PAK3: variants seen among roughly 807,000 people sequenced by gnomAD.
The protein encoded by PAK3 is p21 (RAC1) activated kinase 3.
In PAK3, 4 loss-of-function variants were observed where a neutral mutation model predicts 41.0. The ratio of observed to expected loss-of-function variants is 0.10; its 90% CI spans 0.05 to 0.22. The LOEUF is 0.22. Ranked by LOEUF, PAK3 falls within the 10% of genes least tolerant of loss-of-function variation. The probability of loss-of-function intolerance (pLI) is 1.00; values close to 1 mark genes in which losing one functional copy is unlikely to be tolerated. For synonymous variants in PAK3, 146 were observed against 139.6 expected (o/e 1.05, Z -0.32); for missense variants, 205 against 409.9 (o/e 0.50, Z 4.32).
At chrX:110,945,665 T>C (rs2090603120) in intron 1 of PAK3, among the ~76,000 whole-genome samples, 1 of 112,237 alleles carries the variant, frequency 8.9e-6, no homozygotes, top group East Asian at 2.8e-4. Flanking sequence ...GATGTAGTTC[T>C]ATGTTTGAAC....
intron 8 of PAK3, among the ~76,000 whole-genome samples, chrX:111,158,541 T>C (rs973197530): frequency 9.0e-6 from 1 of 111,712 alleles, no homozygotes; most frequent in Non-Finnish European, 1.9e-5. Context: ...CAAAGATTGC[T>C]ATCCTTGGTG....
chrX:111,194,203 A>G, intron 13 of PAK3, 98 bp from the exon 14 acceptor site: 2 of 592,425 alleles, frequency 3.4e-6, no homozygotes, highest in South Asian at 4.4e-5. Context: ...GCATAGCACA[A>G]CTCAGAGTTG....
chrX:110,951,322 A>G (rs2090740555), intron 1 of PAK3, among the ~76,000 whole-genome samples: 3 of 112,458 alleles, frequency 2.7e-5, no homozygotes, highest in African/African-American at 9.7e-5. Context: ...AGAAATGTTT[A>G]TGATTTTTGT....
rs764375747 is a variant in PAK3, at chrX:111,026,331, AG to A, written c.-28+81706del. On this transcript the variant is annotated intron_variant, in intron 1 of 14. Coordinates refer to the PAK3 transcript ENST00000425146. ...GCAATCAGACAAGAGAAAGAAATAA[AG>A]GGCATCCAAATTGGTAAAGAGGAAG... Among the ~76,000 whole-genome samples, 153 of 111,740 alleles carry A rather than the reference AG, an allele frequency of 1.4e-3. 1 individual carries two copies. Among genetic ancestry groups the A allele is most frequent in the African/African-American group, 4.8e-3 (149 of 30,857 alleles).
chrX:111,131,231 A>G (rs1478350788), intron 5 of PAK3, among the ~76,000 whole-genome samples: 2 of 111,502 alleles, frequency 1.8e-5, no homozygotes, highest in African/African-American at 6.5e-5. Context: ...AAAAAAGAAA[A>G]ATATGGAATA....
chrX:111,152,307 T>G (rs2094039889), intron 7 of PAK3, 103 bp from the exon 8 acceptor site: 1 of 568,741 alleles, frequency 1.8e-6, no homozygotes. Flanking sequence ...CATTTCCTTC[T>G]AGTTGAAATC....
chrX:111,150,544 CGCA>C (rs1211059520), intron 7 of PAK3, among the ~76,000 whole-genome samples: 1 of 111,533 alleles, frequency 9.0e-6, no homozygotes, highest in East Asian at 2.8e-4. Flanking sequence ...TTTCTTACAT[CGCA>C]GCAGCAACAG....
intron 1 of PAK3, among the ~76,000 whole-genome samples, chrX:110,949,725 T>C (rs771611589): frequency 2.7e-5 from 3 of 110,803 alleles, no homozygotes; most frequent in Non-Finnish European, 5.7e-5. Context: ...TTCTTATGGA[T>C]AAAAGAATGG....
rs986631561 is a variant in PAK3 at position 111,096,211 on chromosome X, C to A, written c.-557C>A. On this transcript the variant is annotated 5_prime_UTR_variant, in exon 1 of 18. Coordinates refer to ENST00000372007, the MANE Select transcript of PAK3 (RefSeq NM_002578.5). The stretch of plus-strand genomic sequence containing the variant: ...GCTCTACCGCGGGCGGGCAGCTGTG[C>A]CAGCTAACCGTCTGGGATCTCGCAC... 8.9e-6 allele frequency: 1 copy of A among 112,094 alleles called. No individual in the cohort carries two copies. The highest frequency in any genetic ancestry group is 3.3e-5 in the African/African-American group (1 of 30,717). The allele number at this position is 112,094 out of a possible 1,213,427, so 9.2% of individuals were successfully genotyped here. A position where few individuals can be genotyped will look rare whatever the true frequency, so the allele number is the denominator to read the frequency against.
At chrX:110,959,383 A>G (rs757044159) in intron 1 of PAK3, among the ~76,000 whole-genome samples, 2 of 111,123 alleles carry the variant, frequency 1.8e-5, no homozygotes, top group Admixed American at 9.6e-5. Flanking sequence ...ATCCTCATAC[A>G]TGTTTCTGCT....
chrX:110,995,231 C>A (rs1431140840), intron 1 of PAK3, among the ~76,000 whole-genome samples: 1 of 111,124 alleles, frequency 9.0e-6, no homozygotes, highest in African/African-American at 3.3e-5. Context: ...GCGAATGCCA[C>A]CATCACTTTG....
chrX:111,040,449 C>A (rs1211253288), intron 1 of PAK3, among the ~76,000 whole-genome samples: 5 of 111,659 alleles, frequency 4.5e-5, no homozygotes, highest in Non-Finnish European at 3.8e-5. Flanking sequence ...ATTTTATATA[C>A]TTTTCAATGC....
chrX:111,200,356 C>T, intron 16 of PAK3, among the ~76,000 whole-genome samples: 1 of 111,946 alleles, frequency 8.9e-6, no homozygotes, highest in Middle Eastern at 4.6e-3. Flanking sequence ...TAACTCCTCT[C>T]TGGTACTTGG....
chrX:110,954,631 G>T (rs1185691740), intron 1 of PAK3, among the ~76,000 whole-genome samples: 1 of 111,872 alleles, frequency 8.9e-6, no homozygotes, highest in Non-Finnish European at 1.9e-5. Context: ...CAACAATAAA[G>T]ACCAGGAAAG....
chrX:111,206,941 C>T (rs2094755114), intron 16 of PAK3, among the ~76,000 whole-genome samples: 2 of 110,628 alleles, frequency 1.8e-5, no homozygotes, highest in African/African-American at 3.3e-5. Flanking sequence ...TGTTAAGTCA[C>T]TTGTTGGCAA....
At position 111,109,751 on chromosome X, in the gene PAK3, G is replaced by T. The variant is rs780609277; in HGVS notation, c.-28+6445G>T. On this transcript the variant is annotated intron_variant, in intron 4 of 17. Transcript: ENST00000372007. ...CTGATTGTTGAAATGTCTGTTTTGT[G>T]GGTGGAAGATCTGCTCATTTTCAGG... Among the ~76,000 whole-genome samples the T allele has an allele frequency of 3.9e-4, 44 of 112,059 alleles. 1 individual carries two copies. Among genetic ancestry groups the T allele is most frequent in the Admixed American group, 3.5e-3 (37 of 10,531 alleles).
chrX:111,115,377 C>T (rs1334985100), intron 4 of PAK3, among the ~76,000 whole-genome samples: 1 of 111,480 alleles, frequency 9.0e-6, no homozygotes, highest in African/African-American at 3.3e-5. Flanking sequence ...TGCCAGTTTT[C>T]TTTAATGCAA....
At chrX:110,984,274 T>A (rs757453901) in intron 1 of PAK3, among the ~76,000 whole-genome samples, 4 of 112,186 alleles carry the variant, frequency 3.6e-5, no homozygotes, top group Non-Finnish European at 5.6e-5. Context: ...CTGCTCCTAC[T>A]TAAAACTGTA....
chrX:110,957,857 G>A (rs1317084976), intron 1 of PAK3, among the ~76,000 whole-genome samples: 3 of 111,765 alleles, frequency 2.7e-5, no homozygotes, highest in African/African-American at 9.8e-5. Flanking sequence ...TAGACATTCG[G>A]AATATTATTA....
Sources: allele counts gnomAD v4.1 joint callset (sites outside exome capture counted in the v4.1 genomes callset), GRCh38; gene constraint gnomAD v4.1.1; transcripts MANE v1.5; gene names NCBI Gene and HGNC (gene_info 2026-07-23, HGNC 2026-07-21).